EP400: variants seen among roughly 807,000 people sequenced by gnomAD.
The protein encoded by EP400 is E1A binding protein p400, also known as E1A-binding protein p400.
Under a neutral mutation model 354.1 loss-of-function variants are expected in EP400, and 105 were observed. The observed-to-expected ratio is 0.30, with a 90% CI of 0.25 to 0.35. The LOEUF (loss-of-function observed/expected upper bound fraction) is 0.35, where lower values mean the gene tolerates loss of function less well. EP400 is among the 10% of genes least tolerant of loss of function. EP400 has a pLI of 1.00. For synonymous variants in EP400, 1,646 were observed against 1,716.9 expected, an observed-to-expected ratio of 0.96 and a Z score of 1.02; for missense variants, 3,280 against 4,121.0, an observed-to-expected ratio of 0.80 and a Z score of 5.59.
At position 131,990,333 on chromosome 12, in the gene EP400, C is replaced by T. The variant is rs1892991638; in HGVS notation, c.2550+229C>T. Among the ~76,000 whole-genome samples the T allele has an allele frequency of 6.6e-6, 1 of 152,218 alleles. No individual in the cohort carries two copies. Among genetic ancestry groups the T allele is most frequent in the South Asian group, 2.1e-4 (1 of 4,826 alleles). Reference sequence around the variant, plus strand: ...TCAGCTGTGGCTGCCCTCTGAGGTGCTTCATGCCGTGGAGGGGCTCTGGGC... The same window carrying T: ...TCAGCTGTGGCTGCCCTCTGAGGTGTTTCATGCCGTGGAGGGGCTCTGGGC... On this transcript the variant is annotated intron_variant, in intron 8 of 52. Coordinates refer to ENST00000389561, the MANE Select transcript of EP400 (RefSeq NM_015409.5). The surrounding 1 kb of genome is among the most constrained non-coding windows in gnomAD (Gnocchi z 4.2).
chr12:131,965,498 A>T (rs1168748634), intron 2 of EP400, among the ~76,000 whole-genome samples: 1 of 152,314 alleles, frequency 6.6e-6, no homozygotes, highest in Non-Finnish European at 1.5e-5. Context: ...GTTTAAACTT[A>T]TTTAATGTAC....
chr12:132,064,782 C>T lies in EP400; in HGVS notation c.8449C>T (p.Gln2817Ter), dbSNP rs1387079979. 1 of 1,612,860 alleles carries T rather than the reference C, an allele frequency of 6.2e-7. No homozygotes were observed. The highest frequency in any genetic ancestry group is 8.5e-7 in the Non-Finnish European group (1 of 1,179,810). The change falls in exon 48 of 53, where the codon CAG (glutamine) becomes TAG (stop). Residue 2817 changes from glutamine (Q) to a stop codon, truncating the protein, a stop_gained. Transcript: ENST00000389561. LOFTEE classifies it high-confidence loss of function. ...PTAQVQVQTSQPPQQQSPQLT... is the reference protein window; with the variant it reads ...PTAQVQVQTS ...AGCCCAAGTGCAAGTGCAGACCTCG[C>T]AGCCGCCGCAGCAGCAGAGCCCCCA...
intron 34 of EP400, among the ~76,000 whole-genome samples, 189 bp from the exon 35 acceptor site, chr12:132,043,988 G>A (rs985076386): frequency 1.3e-5 from 2 of 152,242 alleles, no homozygotes; most frequent in Non-Finnish European, 2.9e-5. Flanking sequence ...GGACCATGGG[G>A]CTTGTTCTGC....
chr12:132,045,642 CACTTTG>C (rs1895070480), intron 38 of EP400, 79 bp from the exon 39 acceptor site: 2 of 1,602,880 alleles, frequency 1.2e-6, no homozygotes. Context: ...TCACTGTGAT[CACTTTG>C]CAGGGAGTCT....
intron 12 of EP400, 117 bp from the exon 13 acceptor site, chr12:132,004,960 T>C: frequency 4.0e-6 from 3 of 746,968 alleles, no homozygotes; most frequent in Middle Eastern, 2.3e-4. Flanking sequence ...AAGGAATACA[T>C]GTGAGAGGGA....
At chr12:131,953,679 A>G (rs981304384) in intron 1 of EP400, among the ~76,000 whole-genome samples, 3 of 152,220 alleles carry the variant, frequency 2.0e-5, no homozygotes, top group African/African-American at 7.2e-5. Flanking sequence ...TGGGAGAATA[A>G]TGAAGGTTTT....
chr12:132,073,459 CT>C (rs58724167), intron 51 of EP400, among the ~76,000 whole-genome samples: 351 of 117,448 alleles, frequency 3.0e-3, no homozygotes, highest in Middle Eastern at 7.8e-3. Context: ...GTCCCTTTTC[CT>C]TTTTTTTTTT....
chr12:131,961,727 G>A lies in EP400; in HGVS notation c.1108G>A (p.Asp370Asn), dbSNP rs977794985. ...GGCACAGATGAGGAAGCAGTGCCTG[G>A]ACTATCATTACCAGGAGATGCAGGC... ...EMAQMRKQCL[D>N]YHYQEMQALK... The change falls in exon 2 of 53, where the codon GAC (aspartate) becomes AAC (asparagine). Residue 370 changes from aspartate to asparagine, a missense_variant. Transcript: ENST00000389561. 5 of 1,614,136 alleles carry A rather than the reference G, an allele frequency of 3.1e-6. No homozygotes were observed. In the African/African-American group the frequency reaches 6.7e-5, roughly 22 times the overall value.
Position 131,949,955 on chromosome 12 carries a change from C to G in EP400, c.-117C>G, listed in dbSNP as rs1239818937. On this transcript the variant is annotated 5_prime_UTR_variant, in exon 1 of 53. Coordinates refer to ENST00000389561, the MANE Select transcript of EP400 (RefSeq NM_015409.5). ...CGCCGCCGCTTCCTCCCGCCGGGGC[C>G]CCGGATGCACTGAGCGGCTGCGGCG... 3 of 151,888 alleles carry G rather than the reference C, an allele frequency of 2.0e-5. No homozygotes were observed. Among genetic ancestry groups the G allele is most frequent in the Admixed American group, 6.6e-5 (1 of 15,246 alleles). 9.4% of individuals were successfully genotyped at this position (151,888 alleles called of 1,614,324 possible).
chr12:132,030,988 G>A (rs1244133531), intron 29 of EP400, among the ~76,000 whole-genome samples: 7 of 152,148 alleles, frequency 4.6e-5, no homozygotes, highest in Non-Finnish European at 1.0e-4. Flanking sequence ...TCACACACAC[G>A]CTCATGTACA....
At chr12:132,014,050 G>A in intron 19 of EP400, 137 bp downstream of exon 19, 3 of 1,160,748 alleles carry the variant, frequency 2.6e-6, no homozygotes, top group East Asian at 2.4e-5. Flanking sequence ...GCACCCTCCT[G>A]GGGGCAGCAG....
rs1212785134 is a variant in EP400 at position 132,029,646 on chromosome 12, C to A, written c.5382-55C>A. 26 of 1,573,892 alleles carry A rather than the reference C, an allele frequency of 1.7e-5. No homozygotes were observed. The Admixed American group carries it at 4.4e-4, about 27-fold the overall frequency. On this transcript the variant is annotated intron_variant, in intron 27 of 52. Transcript: ENST00000389561. The surrounding 1 kb of genome is among the most constrained non-coding windows in gnomAD (Gnocchi z 4.7). ...GCCCCATCTTTCAGGAGCCCCCATG[C>A]TGGGTGAAGGTGTGTGGCTCCTGGT...
chr12:132,036,802 A>C (rs780780741), intron 30 of EP400, among the ~76,000 whole-genome samples: 27 of 152,196 alleles, frequency 1.8e-4, no homozygotes, highest in Non-Finnish European at 2.6e-4. Flanking sequence ...AGGCCAGGAA[A>C]GTCTTCCCAG....
chr12:132,068,009 A>G (rs1895951656), intron 50 of EP400: 1 of 154,508 alleles, frequency 6.5e-6, no homozygotes, highest in African/African-American at 2.4e-5. Context: ...AAGGGCGTCT[A>G]CAGTCTCAGC....
At chr12:131,966,657 A>G (rs952518942) in intron 2 of EP400, among the ~76,000 whole-genome samples, 5 of 150,762 alleles carry the variant, frequency 3.3e-5, no homozygotes, top group African/African-American at 1.2e-4. Flanking sequence ...TAATCCCAGC[A>G]CTTTCGGAGG....
At chr12:131,995,367 C>A (rs1893172128) in intron 12 of EP400, among the ~76,000 whole-genome samples, 1 of 151,488 alleles carries the variant, frequency 6.6e-6, no homozygotes, top group Non-Finnish European at 1.5e-5. Flanking sequence ...ACCAACGAAT[C>A]CCACCACAGC....
Position 132,045,914 on chromosome 12 carries a change from C to T in EP400, c.7200+14C>T, listed in dbSNP as rs968859556. 5.0e-6 allele frequency: 8 copies of T among 1,613,642 alleles called. No homozygotes were observed. The highest frequency in any genetic ancestry group is 1.6e-4 in the Middle Eastern group (1 of 6,072). ...GAGGAGGGGAAGGTAAGCACGGTCT[C>T]GTTTGTCCTTCGAGGAGAGCACAGG... On this transcript the variant is annotated intron_variant, in intron 39 of 52. Transcript: ENST00000389561.
intron 2 of EP400, chr12:131,963,586 A>G: frequency 1.3e-6 from 2 of 1,598,402 alleles, no homozygotes; most frequent in Non-Finnish European, 1.7e-6. Flanking sequence ...TGCTATAGCA[A>G]CCCAGCTTCC....
In EP400 at chr12:132,006,188, G is replaced by T; in HGVS notation, c.3012G>T (p.Gln1004His). 1.2e-6 allele frequency: 2 copies of T among 1,614,246 alleles called. No homozygotes were observed. ...TCGACTCGCTTTTCATCATGGATCA[G>T]TTCAAAGCTGCCGAGAGGATGAATA... ...VLIDSLFIMDQFKAAERMNIG... is the reference protein window; with the variant it reads ...VLIDSLFIMDHFKAAERMNIG... Residue 1004 changes from glutamine to histidine, a missense_variant, in exon 14 of 53, where the codon CAG becomes CAT. Physicochemically the swap from Gln to His is conservative, Grantham distance 24. Around this residue, in one of 20 missense-constraint regions of EP400, gnomAD observed 800 missense variants for 840.0 expected, o/e 0.95. Transcript: ENST00000389561.
Sources: allele counts gnomAD v4.1 joint callset (sites outside exome capture counted in the v4.1 genomes callset), GRCh38; gene constraint gnomAD v4.1.1; regional missense constraint gnomAD v4.1.1; non-coding constraint Gnocchi (gnomAD v3.1); transcripts MANE v1.5; gene names NCBI Gene and HGNC (gene_info 2026-07-23, HGNC 2026-07-21).